Variants in SNPH observed in about 807,000 individuals in gnomAD.
SNPH encodes the protein syntaphilin.
A neutral mutation model predicts 36.8 loss-of-function variants in SNPH; 10 were observed. That is an observed-to-expected ratio of 0.27 (90% CI 0.17 to 0.46). The LOEUF (loss-of-function observed/expected upper bound fraction) is 0.46. Ranked by LOEUF, SNPH falls within the 20% of genes least tolerant of loss-of-function variation. The pLI, the probability that SNPH is intolerant of heterozygous loss-of-function variation, is 1.00. For missense variants in SNPH, 622 were observed against 744.0 expected, an observed-to-expected ratio of 0.84 and a Z score of 1.91; for synonymous variants, 281 against 312.2, an observed-to-expected ratio of 0.90 and a Z score of 1.05.
chr20:1,297,925 G>A (rs2088460033), intron 5 of SNPH, among the ~76,000 whole-genome samples: 1 of 152,236 alleles, frequency 6.6e-6, no homozygotes, highest in African/African-American at 2.4e-5. Flanking sequence ...GGTGGAACTG[G>A]CTTGGAAGGC....
rs773043905 is a variant in SNPH at position 1,296,244 on chromosome 20, C to T, written c.5C>T (p.Pro2Leu). Reference sequence around the variant, plus strand: ...CGAAGGGTGAGAAGAGAAGCCATGCCGGGCAGCGGCCCCAGCGAGAGGATG... The same window carrying T: ...CGAAGGGTGAGAAGAGAAGCCATGCTGGGCAGCGGCCCCAGCGAGAGGATG... M[P>L]GSGPSERMTW... Residue 2 changes from proline to leucine, a missense_variant, in exon 4 of 7, where the codon CCG becomes CTG. Pro to Leu is a moderately conservative substitution (Grantham distance 98, BLOSUM62 -3). Transcript: ENST00000381867. 2.3e-5 allele frequency: 35 copies of T among 1,520,762 alleles called. No homozygotes were observed. Among genetic ancestry groups the T allele is most frequent in the Middle Eastern group, 1.8e-4 (1 of 5,686 alleles). The allele number at this position is 1,520,762 out of a possible 1,614,324, so 94.2% of individuals were successfully genotyped here. A position where few individuals can be genotyped will look rare whatever the true frequency, so the allele number is the denominator to read the frequency against.
intron 2 of SNPH, among the ~76,000 whole-genome samples, chr20:1,287,789 G>C (rs747304657): frequency 6.6e-6 from 1 of 152,244 alleles, no homozygotes; most frequent in African/African-American, 2.4e-5. Flanking sequence ...AGAGTTGGAA[G>C]CTTGGGAGAA....
rs2122327600 is a variant in SNPH, at chr20:1,285,978, CCAG to C, written c.-492-8971_-492-8969del. ...GGGGTGGTGGCAGGCACCTGTAGTC[CCAG>C]CTACTGGCTGAGGCAGGAGAATTGC... On this transcript the variant is annotated intron_variant, in intron 2 of 6. Coordinates refer to ENST00000381867, the MANE Select transcript of SNPH (RefSeq NM_001318234.2). The surrounding 1 kb of genome is among the most constrained non-coding windows in gnomAD (Gnocchi z 4.9). Among the ~76,000 whole-genome samples the C allele has an allele frequency of 6.6e-6, 1 of 151,738 alleles. No homozygotes were observed. The highest frequency in any genetic ancestry group is 2.1e-4 in the South Asian group (1 of 4,796).
In SNPH at chr20:1,306,045, C is replaced by T; in HGVS notation, c.1608C>T (p.Ser536=). The T allele has an allele frequency of 6.8e-7, 1 of 1,466,900 alleles. No homozygotes were observed. Among genetic ancestry groups the T allele is most frequent in the Non-Finnish European group, 9.0e-7 (1 of 1,110,484 alleles). The allele number at this position is 1,466,900 out of a possible 1,614,324, so 90.9% of individuals were successfully genotyped here. ...GTCCCAGCCCAGCGGGCGGCGGCTC[C>T]CAGCTCTGAGGGGGCCCATTCTGGC... The part of the protein sequence containing the change: ...QPSPSPAGGG[S]QL Residue 536 remains serine, a synonymous_variant, in exon 7 of 7, where the codon TCC becomes TCT. Transcript: ENST00000381867.
In SNPH at chr20:1,304,307, G is replaced by A. The variant is rs1042355263; in HGVS notation, c.441-571G>A. ...CTTCTCATCGCTCTGCATGAGGGAT[G>A]ATGTAAAATCATCAGCCTCCCCCAA... On this transcript the variant is annotated intron_variant, in intron 6 of 6. Transcript: ENST00000381867. The surrounding 1 kb of genome is among the most constrained non-coding windows in gnomAD (Gnocchi z 4.3). Among the ~76,000 whole-genome samples, 2 of 152,150 alleles carry A rather than the reference G, an allele frequency of 1.3e-5. No homozygotes were observed. Among genetic ancestry groups the A allele is most frequent in the Non-Finnish European group, 2.9e-5 (2 of 68,040 alleles).
At chr20:1,277,589 AGTGTCTGTCTCTGTG>A in intron 2 of SNPH, among the ~76,000 whole-genome samples, 1 of 36,206 alleles carries the variant, frequency 2.8e-5, no homozygotes, top group South Asian at 8.0e-4. Flanking sequence ...TGTGTGTGTC[AGTGTCTGTCTCTGTG>A]TGTGTCTGTG....
At chr20:1,303,839 G>C (rs1270359045) in intron 6 of SNPH, among the ~76,000 whole-genome samples, 1 of 152,164 alleles carries the variant, frequency 6.6e-6, no homozygotes, top group Non-Finnish European at 1.5e-5. Flanking sequence ...GGATGGGAAT[G>C]TAGGGTTTAG....
rs541716013 is a variant in SNPH, at chr20:1,294,629, T to C, written c.-492-322T>C. Among the ~76,000 whole-genome samples, 71 of 152,300 alleles carry C rather than the reference T, an allele frequency of 4.7e-4. No homozygotes were observed. Among genetic ancestry groups the C allele is most frequent in the African/African-American group, 1.5e-3 (64 of 41,576 alleles). On this transcript the variant is annotated intron_variant, in intron 2 of 6. Transcript: ENST00000381867. This position sits in a 1 kb window ranked among gnomAD's most constrained non-coding sequence, Gnocchi z 4.4. ...CTCCAGGCAGACAATGCTGGCTGTG[T>C]CCAGACCCTCCAGGGGAACAGGCTG...
intron 5 of SNPH, among the ~76,000 whole-genome samples, chr20:1,297,799 T>C (rs1028789371): frequency 6.6e-6 from 1 of 152,140 alleles, no homozygotes; most frequent in Non-Finnish European, 1.5e-5. Flanking sequence ...CCCACAACAG[T>C]ACCACCCCAG....
intron 4 of SNPH, among the ~76,000 whole-genome samples, 200 bp downstream of exon 4, chr20:1,296,621 C>T (rs1008256401): frequency 2.6e-5 from 4 of 152,358 alleles, no homozygotes; most frequent in East Asian, 1.9e-4. Flanking sequence ...TGAGAGTTCT[C>T]GGAAGGTGTA....
At position 1,306,119 on chromosome 20, in the gene SNPH, T is replaced by A. The variant is rs2088576600; in HGVS notation, c.*65T>A. ...TGATTGTAGGGATGCCGTTCCCCCC[T>A]CCCTTCTCCCATGGGCATCATCTTA... On this transcript the variant is annotated 3_prime_UTR_variant, in exon 7 of 7. Coordinates refer to ENST00000381867, the MANE Select transcript of SNPH (RefSeq NM_001318234.2). 1.6e-6 allele frequency: 2 copies of A among 1,233,182 alleles called. No individual in the cohort carries two copies. The highest frequency in any genetic ancestry group is 2.1e-6 in the Non-Finnish European group (2 of 932,664). 76.4% of individuals were successfully genotyped at this position (1,233,182 alleles called of 1,614,324 possible). A position where few individuals can be genotyped will look rare whatever the true frequency, so the allele number is the denominator to read the frequency against.
chr20:1,266,581 G>C lies in SNPH; in HGVS notation c.-599-73G>C. ...GCAGCGGCCCAGCTGTCAGCGGCCG[G>C]GGGCTCAGCTGCCTGGGTGTTCCCC... On this transcript the variant is annotated intron_variant, in intron 1 of 6. Coordinates refer to ENST00000381867, the MANE Select transcript of SNPH (RefSeq NM_001318234.2). The surrounding 1 kb of genome is among the most constrained non-coding windows in gnomAD (Gnocchi z 6.0). The C allele has an allele frequency of 7.1e-7, 1 of 1,406,678 alleles. No homozygotes were observed. The highest frequency in any genetic ancestry group is 9.2e-7 in the Non-Finnish European group (1 of 1,087,456). The allele number at this position is 1,406,678 out of a possible 1,614,324, so 87.1% of individuals were successfully genotyped here.
intron 2 of SNPH, among the ~76,000 whole-genome samples, chr20:1,281,775 G>A (rs6134452): frequency 0.36 from 55,010 of 152,158 alleles, 10,275 homozygotes; most frequent in Non-Finnish European, 0.4. Flanking sequence ...TATTGGCAGA[G>A]GAGGAAGTGG....
At chr20:1,302,540 C>G (rs2088515608) in intron 6 of SNPH, among the ~76,000 whole-genome samples, 1 of 105,488 alleles carries the variant, frequency 9.5e-6, no homozygotes, top group Non-Finnish European at 1.9e-5. Context: ...AAAATAAACC[C>G]CATTCCCATT....
chr20:1,296,991 C>T (rs2088444052), intron 4 of SNPH, 154 bp from the exon 5 acceptor site: 1 of 909,486 alleles, frequency 1.1e-6, no homozygotes, highest in Admixed American at 6.2e-5. Context: ...TGTTCTGTCA[C>T]CCCTGTCTGT....
chr20:1,268,943 G>A (rs149788236), intron 2 of SNPH, among the ~76,000 whole-genome samples: 3 of 152,198 alleles, frequency 2.0e-5, no homozygotes, highest in Admixed American at 6.5e-5. Context: ...TAGACCAAAA[G>A]GGGCCAGATG....
intron 2 of SNPH, among the ~76,000 whole-genome samples, chr20:1,280,804 C>T (rs928578620): frequency 6.6e-6 from 1 of 152,168 alleles, no homozygotes; most frequent in African/African-American, 2.4e-5. Context: ...CCTGACTTCC[C>T]TCAGCAGGTG....
At chr20:1,273,544 A>T (rs1412610707) in intron 2 of SNPH, among the ~76,000 whole-genome samples, 1 of 152,188 alleles carries the variant, frequency 6.6e-6, no homozygotes, top group Non-Finnish European at 1.5e-5. Context: ...GGAGGGAAGG[A>T]ATGTGGGTGG....
At position 1,294,669 on chromosome 20, in the gene SNPH, G is replaced by A. The variant is rs549520862; in HGVS notation, c.-492-282G>A. Among the ~76,000 whole-genome samples, 9 of 152,292 alleles carry A rather than the reference G, an allele frequency of 5.9e-5. No homozygotes were observed. The highest frequency in any genetic ancestry group is 1.9e-4 in the East Asian group (1 of 5,162). On this transcript the variant is annotated intron_variant, in intron 2 of 6. Transcript: ENST00000381867. The surrounding 1 kb of genome is among the most constrained non-coding windows in gnomAD (Gnocchi z 4.4). ...GGAACAGGCTGTGTTCTATGTCCCC[G>A]CCAGGAAACAGGCCATCTGAGTAGT...
Sources: gnomAD v4.1 joint callset for allele counts (sites outside exome capture counted in the v4.1 genomes callset) on GRCh38, gnomAD v4.1.1 for gene constraint, Gnocchi (gnomAD v3.1) non-coding constraint, MANE v1.5 for transcripts, NCBI Gene and HGNC (gene_info 2026-07-23, HGNC 2026-07-21) for gene names.